Variants in FCHO2 observed in about 807,000 individuals in gnomAD.
FCHO2 encodes the protein F-BAR domain only protein 2.
In FCHO2, 43 loss-of-function variants were observed where a neutral mutation model predicts 114.1. The observed-to-expected ratio is 0.38, with a 90% CI of 0.30 to 0.49. The LOEUF is 0.49. Ranked by LOEUF, FCHO2 falls within the 20% of genes least tolerant of loss-of-function variation. FCHO2 has a pLI of 0.97. For missense variants in FCHO2, 807 were observed against 950.4 expected (o/e 0.85, Z 1.98); for synonymous variants, 293 against 315.2 (o/e 0.93, Z 0.75).
chr5:73,080,630 T>C (rs1430258251), intron 22 of FCHO2, among the ~76,000 whole-genome samples: 2 of 151,892 alleles, frequency 1.3e-5, no homozygotes, highest in African/African-American at 4.8e-5. Context: ...TATTTCTCTA[T>C]TTTTTTAGTT....
chr5:73,087,918 C>G (rs761323136), intron 25 of FCHO2, 150 bp from the exon 26 acceptor site: 3 of 1,354,388 alleles, frequency 2.2e-6, no homozygotes, highest in Non-Finnish European at 3.1e-6. Flanking sequence ...AGAGTTCTTA[C>G]GGTCAGTATA....
chr5:72,972,309 G>A (rs1216363486), intron 2 of FCHO2, among the ~76,000 whole-genome samples: 181 of 151,336 alleles, frequency 1.2e-3, no homozygotes, highest in African/African-American at 3.9e-3. Context: ...CCATTTTCAC[G>A]ATATTGATTC....
intron 8 of FCHO2, 98 bp downstream of exon 8, chr5:73,017,406 C>T (rs1755363533): frequency 1.6e-6 from 1 of 618,964 alleles, no homozygotes. Context: ...GTAATTTTAA[C>T]TTTATATCAC....
At chr5:73,015,194 G>C (rs1755239614) in intron 6 of FCHO2, among the ~76,000 whole-genome samples, 1 of 151,340 alleles carries the variant, frequency 6.6e-6, no homozygotes, top group Middle Eastern at 3.4e-3. Flanking sequence ...TGCTAGATCT[G>C]TCTGTCTTGA....
At chr5:73,058,395 T>G in intron 16 of FCHO2, 38 bp from the exon 17 acceptor site, 1 of 1,393,712 alleles carries the variant, frequency 7.2e-7, no homozygotes, top group Non-Finnish European at 9.7e-7. Flanking sequence ...AATAAAATAT[T>G]CTCGTTAAAA....
At chr5:73,082,673 T>C in intron 23 of FCHO2, 88 bp from the exon 24 acceptor site, 1 of 1,053,608 alleles carries the variant, frequency 9.5e-7, no homozygotes. Flanking sequence ...AGTGAAAATA[T>C]TTAAAATACA....
chr5:72,990,818 A>G lies in FCHO2; in HGVS notation c.449A>G (p.Gln150Arg). The change falls in exon 5 of 26, where the codon CAG becomes CGG. Residue 150 changes from glutamine to arginine, a missense_variant. Coordinates refer to ENST00000430046, the MANE Select transcript of FCHO2 (RefSeq NM_138782.3). ...KENYNAKCVE[Q>R]ERLKKEGATQ... is the part of the protein sequence containing the mutation. ...AATTACAATGCCAAGTGTGTAGAAC[A>G]GGAGCGTTTGAAAAAGGAAGGAGCT... The G allele has an allele frequency of 1.3e-6, 2 of 1,551,978 alleles. No homozygotes were observed. The highest frequency in any genetic ancestry group is 1.2e-5 in the South Asian group (1 of 83,920).
At position 73,006,600 on chromosome 5, in the gene FCHO2, TATTG is replaced by T. The variant is rs927759811; in HGVS notation, c.600+55_600+58del. 4 of 1,222,680 alleles carry T rather than the reference TATTG, an allele frequency of 3.3e-6. No individual in the cohort carries two copies. In the South Asian group the frequency reaches 5.2e-5, roughly 16 times the overall value. The allele number at this position is 1,222,680 out of a possible 1,614,324, so 75.7% of individuals were successfully genotyped here. A position where few individuals can be genotyped will look rare whatever the true frequency, so the allele number is the denominator to read the frequency against. Reference sequence around the variant, plus strand: ...AAAACAGGGCATTTATATTTGTGTATATTGATTAATTTTTCTCTCATATAATTTT... The same window carrying T: ...AAAACAGGGCATTTATATTTGTGTATATTAATTTTTCTCTCATATAATTTT... On this transcript the variant is annotated intron_variant, in intron 6 of 25. Coordinates refer to ENST00000430046, the MANE Select transcript of FCHO2 (RefSeq NM_138782.3).
intron 18 of FCHO2, among the ~76,000 whole-genome samples, chr5:73,066,575 C>CTTTTTTTT (rs3054234): frequency 9.9e-6 from 1 of 101,420 alleles, no homozygotes; most frequent in African/African-American, 3.6e-5. Flanking sequence ...AGTGCCTTTT[C>CTTTTTTTT]TTTTTTTTTT....
In FCHO2 at chr5:73,052,498, A is replaced by G; in HGVS notation, c.1164A>G (p.Pro388=). 6.3e-7 allele frequency: 1 copy of G among 1,587,424 alleles called. No individual in the cohort carries two copies. Residue 388 remains proline (P), a synonymous_variant, in exon 13 of 26, where the codon CCA becomes CCG. Transcript: ENST00000430046. ...CTATAGGGAATATAACACTCTCCCC[A>G]GCAATATCTGTAAGTACAAACACGT... ...KVSIGNITLS[P]AISRHSPVQM...
intron 19 of FCHO2, among the ~76,000 whole-genome samples, chr5:73,072,391 A>G (rs1742698522): frequency 6.6e-6 from 1 of 151,978 alleles, no homozygotes; most frequent in African/African-American, 2.4e-5. Flanking sequence ...TGATCCAGCA[A>G]TTTTACTTCT....
intron 15 of FCHO2, among the ~76,000 whole-genome samples, 158 bp downstream of exon 15, chr5:73,054,707 A>G (rs1000501505): frequency 5.9e-5 from 9 of 152,140 alleles, no homozygotes; most frequent in African/African-American, 1.9e-4. Flanking sequence ...AAAACAGCGT[A>G]TCTATATTAT....
intron 8 of FCHO2, among the ~76,000 whole-genome samples, chr5:73,017,607 T>C (rs1755373555): frequency 6.6e-6 from 1 of 152,200 alleles, no homozygotes; most frequent in African/African-American, 2.4e-5. Context: ...TATAACATTT[T>C]ACTAAATCTG....
intron 2 of FCHO2, among the ~76,000 whole-genome samples, chr5:72,980,248 G>A (rs1247200103): frequency 1.3e-5 from 2 of 152,202 alleles, no homozygotes; most frequent in Non-Finnish European, 2.9e-5. Context: ...CCGTGTAGTT[G>A]TGCAGTTTTC....
intron 8 of FCHO2, among the ~76,000 whole-genome samples, chr5:73,022,651 T>TG (rs775877774): frequency 6.6e-6 from 1 of 152,232 alleles, no homozygotes; most frequent in Non-Finnish European, 1.5e-5. Context: ...GTACTCATGT[T>TG]GAAACCTGTC....
chr5:73,029,531 A>T (rs993123118), intron 8 of FCHO2, among the ~76,000 whole-genome samples: 2 of 152,204 alleles, frequency 1.3e-5, no homozygotes, highest in African/African-American at 4.8e-5. Flanking sequence ...AGCCTTGGGT[A>T]CTGTATTCGT....
chr5:73,029,935 A>C (rs949805920), intron 8 of FCHO2, among the ~76,000 whole-genome samples: 1 of 152,216 alleles, frequency 6.6e-6, no homozygotes, highest in Non-Finnish European at 1.5e-5. Flanking sequence ...TGGAGGGTAC[A>C]GACATCCAAA....
At chr5:72,979,306 C>T (rs1010081966) in intron 2 of FCHO2, among the ~76,000 whole-genome samples, 57 of 149,744 alleles carry the variant, frequency 3.8e-4, no homozygotes, top group African/African-American at 1.3e-3. Context: ...ATCGATCTGT[C>T]CAGGGATTCT....
At chr5:73,044,060 A>G (rs1045466670) in intron 11 of FCHO2, among the ~76,000 whole-genome samples, 9 of 152,236 alleles carry the variant, frequency 5.9e-5, no homozygotes, top group Non-Finnish European at 1.0e-4. Context: ...GAAAGTGTGT[A>G]GCATCTCCCC....
Sources: allele counts gnomAD v4.1 joint callset (sites outside exome capture counted in the v4.1 genomes callset), GRCh38; gene constraint gnomAD v4.1.1; transcripts MANE v1.5; gene names NCBI Gene and HGNC (gene_info 2026-07-23, HGNC 2026-07-21).